Variants in EVC2 observed in about 807,000 individuals in gnomAD.
EVC2 encodes limbin.
A neutral mutation model predicts 149.3 loss-of-function variants in EVC2; 148 were observed. That is an observed-to-expected ratio of 0.99 (90% CI 0.87 to 1.14). The LOEUF is 1.14. EVC2 is among the 50% of genes most tolerant of loss of function. The pLI, the probability that EVC2 is intolerant of heterozygous loss-of-function variation, is 0.00. For synonymous variants in EVC2, 776 were observed against 649.9 expected, an observed-to-expected ratio of 1.19 and a Z score of -2.95; for missense variants, 1,854 against 1,627.3, an observed-to-expected ratio of 1.14 and a Z score of -2.40.
chr4:5,535,279 C>T, the EVC2 span, among the ~76,000 whole-genome samples: 19 of 152,226 alleles, frequency 1.2e-4, no homozygotes, highest in African/African-American at 3.9e-4. The surrounding 1 kb of genome is among the most constrained non-coding windows in gnomAD (Gnocchi z 4.7). Flanking sequence ...TAACCTCTGC[C>T]GTAATCCACA....
chr4:5,634,205 T>G (rs529198757), intron 10 of EVC2, among the ~76,000 whole-genome samples: 1 of 152,354 alleles, frequency 6.6e-6, no homozygotes, highest in East Asian at 1.9e-4. Flanking sequence ...AAGCTGATTT[T>G]ATAACAAAGG....
At chr4:5,555,490 G>A (rs958743275) in intron 21 of EVC2, among the ~76,000 whole-genome samples, 1 of 152,134 alleles carries the variant, frequency 6.6e-6, no homozygotes, top group Non-Finnish European at 1.5e-5. Flanking sequence ...CTAACTAAAA[G>A]AGAGCTGGGA....
chr4:5,566,711 T>C (rs774677601), intron 20 of EVC2, among the ~76,000 whole-genome samples: 4 of 152,048 alleles, frequency 2.6e-5, no homozygotes, highest in Admixed American at 6.5e-5. Context: ...CATGGTGACA[T>C]TGACCTGAAG....
chr4:5,707,616 G>C (rs528884547), intron 1 of EVC2, among the ~76,000 whole-genome samples: 2 of 152,214 alleles, frequency 1.3e-5, no homozygotes, highest in African/African-American at 4.8e-5. Context: ...GAAGTGGTGG[G>C]ACCTGAAGCC....
intron 13 of EVC2, among the ~76,000 whole-genome samples, chr4:5,624,818 G>A (rs909566624): frequency 1.3e-5 from 2 of 152,134 alleles, no homozygotes; most frequent in African/African-American, 4.8e-5. Flanking sequence ...AAACTTGGTA[G>A]TAAAGAGCAG....
At chr4:5,658,990 T>C (rs13140011) in intron 9 of EVC2, among the ~76,000 whole-genome samples, 53,843 of 151,924 alleles carry the variant, frequency 0.35, 10,353 homozygotes, top group East Asian at 0.48. Context: ...ATAACCACAG[T>C]CAAGGAGCCT....
intron 21 of EVC2, among the ~76,000 whole-genome samples, chr4:5,555,123 G>A (rs1306672429): frequency 6.6e-6 from 1 of 151,620 alleles, no homozygotes; most frequent in Non-Finnish European, 1.5e-5. Flanking sequence ...GGGATAAAAG[G>A]GAAATAAGTA....
chr4:5,694,584 G>C (rs749048640), intron 2 of EVC2, 83 bp from the exon 3 acceptor site: 1 of 1,520,412 alleles, frequency 6.6e-7, no homozygotes, highest in Non-Finnish European at 9.1e-7. Context: ...CAGACTACAG[G>C]GTACATGGAA....
At chr4:5,707,424 G>C (rs1423024688) in intron 1 of EVC2, among the ~76,000 whole-genome samples, 1 of 152,124 alleles carries the variant, frequency 6.6e-6, no homozygotes, top group African/African-American at 2.4e-5. Flanking sequence ...CAATGGGCCA[G>C]ACCATTGGCC....
chr4:5,691,940 A>G (rs1459637516), intron 3 of EVC2, among the ~76,000 whole-genome samples: 1 of 152,148 alleles, frequency 6.6e-6, no homozygotes, highest in African/African-American at 2.4e-5. Context: ...AATAACAAAT[A>G]TCTGTTCATT....
chr4:5,573,525 C>T, intron 19 of EVC2, among the ~76,000 whole-genome samples: 1 of 152,182 alleles, frequency 6.6e-6, no homozygotes, highest in East Asian at 1.9e-4. Flanking sequence ...GGGCTGAACC[C>T]TGCCAATTAC....
chr4:5,623,022 G>A (rs1156457665), intron 13 of EVC2, 31 bp from the exon 14 acceptor site: 8 of 1,608,494 alleles, frequency 5.0e-6, no homozygotes, highest in Non-Finnish European at 5.9e-6. Flanking sequence ...ATTAAGTGGG[G>A]GTGGGGCTTG....
rs1488981744 is a variant in EVC2, at chr4:5,567,133, C to T, written c.3557+1311G>A. Among the ~76,000 whole-genome samples the T allele has an allele frequency of 6.6e-6, 1 of 152,052 alleles. No individual in the cohort carries two copies. The highest frequency in any genetic ancestry group is 6.5e-5 in the Admixed American group (1 of 15,270). ...GCCCACACCCAGCCCTCTGACCACG[C>T]CAACAACCAGACCTCTGACCCCCTA... On this transcript the variant is annotated intron_variant, in intron 20 of 21. Coordinates refer to ENST00000344408, the MANE Select transcript of EVC2 (RefSeq NM_147127.5). The surrounding 1 kb of genome is among the most constrained non-coding windows in gnomAD (Gnocchi z 4.4).
intron 16 of EVC2, among the ~76,000 whole-genome samples, chr4:5,615,084 G>T (rs1474593871): frequency 6.6e-6 from 1 of 152,146 alleles, no homozygotes; most frequent in African/African-American, 2.4e-5. Flanking sequence ...ATGTGATGGA[G>T]GTGAAATGGC....
At chr4:5,697,673 T>C (rs1268417405) in intron 1 of EVC2, 26 bp from the exon 2 acceptor site, 2 of 1,598,266 alleles carry the variant, frequency 1.3e-6, no homozygotes, top group Non-Finnish European at 1.7e-6. Context: ...CACAAAGTCA[T>C]TAATGGAACA....
At chr4:5,566,073 G>A (rs1577096700) in intron 20 of EVC2, among the ~76,000 whole-genome samples, 1 of 152,254 alleles carries the variant, frequency 6.6e-6, no homozygotes, top group Admixed American at 6.5e-5. Flanking sequence ...AGGACACAGT[G>A]GGAGCTCCAC....
chr4:5,545,188 C>T (rs936926466), intron 21 of EVC2, among the ~76,000 whole-genome samples: 6 of 152,214 alleles, frequency 3.9e-5, no homozygotes, highest in Admixed American at 1.3e-4. Context: ...AGGAGACATT[C>T]GCTCATTCAT....
In EVC2 at chr4:5,567,302, T is replaced by C. The variant is rs1355986164; in HGVS notation, c.3557+1142A>G. Among the ~76,000 whole-genome samples the C allele has an allele frequency of 6.6e-6, 1 of 151,894 alleles. No individual in the cohort carries two copies. Among genetic ancestry groups the C allele is most frequent in the African/African-American group, 2.4e-5 (1 of 41,374 alleles). On this transcript the variant is annotated intron_variant, in intron 20 of 21. Transcript: ENST00000344408. This position sits in a 1 kb window ranked among gnomAD's most constrained non-coding sequence, Gnocchi z 4.4. ...CTCTTCCCCACCCTCCCCCTCACCC[T>C]GGTCAGACTCTATTCACCCTCAGCA...
rs186345238 is a variant in EVC2 at position 5,694,285 on chromosome 4, T to A, written c.450+50A>T. Reference sequence around the variant, plus strand: ...ATTTTATATACAGGCCATAATTGGTTTATTTCCAACTTCTGGTATTTGTGT... The same window carrying A: ...ATTTTATATACAGGCCATAATTGGTATATTTCCAACTTCTGGTATTTGTGT... On this transcript the variant is annotated intron_variant, in intron 3 of 21. Coordinates refer to ENST00000344408, the MANE Select transcript of EVC2 (RefSeq NM_147127.5). 3.2e-4 allele frequency: 514 copies of A among 1,603,460 alleles called. 3 individuals are homozygous for A. In the East Asian group the frequency reaches 8.0e-3, roughly 25 times the overall value.
Sources: gnomAD v4.1 joint callset for allele counts (sites outside exome capture counted in the v4.1 genomes callset) on GRCh38, gnomAD v4.1.1 for gene constraint, Gnocchi (gnomAD v3.1) non-coding constraint, MANE v1.5 for transcripts, NCBI Gene and HGNC (gene_info 2026-07-23, HGNC 2026-07-21) for gene names.